Variants in NBAS observed in about 807,000 individuals in gnomAD.
NBAS encodes NBAS subunit of NRZ tethering complex.
NBAS carries 219 observed loss-of-function variants against 302.5 expected under a neutral mutation model. The ratio of observed to expected loss-of-function variants is 0.72; its 90% CI spans 0.65 to 0.81. NBAS has a LOEUF of 0.81. Ranked by LOEUF, NBAS falls within the 30% of genes least tolerant of loss-of-function variation. NBAS has a pLI of 0.00. For synonymous variants in NBAS, 1,118 were observed against 1,021.6 expected (o/e 1.09, Z -1.80); for missense variants, 2,932 against 2,841.6 (o/e 1.03, Z -0.72).
At chr2:15,323,621 A>C (rs6759135) in intron 38 of NBAS, among the ~76,000 whole-genome samples, 34,891 of 152,010 alleles carry the variant, frequency 0.23, 4,377 homozygotes, top group Middle Eastern at 0.38. Context: ...GCCTGAGCCC[A>C]GGAGTTTGAG....
the NBAS span, among the ~76,000 whole-genome samples, chr2:15,160,593 G>A: frequency 4.4e-5 from 4 of 91,580 alleles, no homozygotes; most frequent in Admixed American, 2.1e-4. Context: ...GGCGGGGGGA[G>A]GGGGGGGGGC....
In NBAS at chr2:15,451,048, A is replaced by AT. The variant is rs1558351581; in HGVS notation, c.2339+10152dup. ...GCTTCATTCATTCATTCATTCATTC[A>AT]TCCATTTATTTATTTATTTATTTGA... On this transcript the variant is annotated intron_variant, in intron 21 of 51. Transcript: ENST00000281513. 1.7e-3 allele frequency among the ~76,000 whole-genome samples: 262 copies of AT among 152,058 alleles called. 1 individual carries two copies. Among genetic ancestry groups the AT allele is most frequent in the African/African-American group, 6.0e-3 (250 of 41,478 alleles).
At chr2:15,286,095 T>TCAC (rs969448912) in intron 42 of NBAS, among the ~76,000 whole-genome samples, 15 of 152,202 alleles carry the variant, frequency 9.9e-5, no homozygotes, top group Admixed American at 9.8e-4. Context: ...CCCCTTTTAC[T>TCAC]CACCCTCATA....
chr2:14,883,605 C>G, the NBAS span, among the ~76,000 whole-genome samples: 4 of 152,100 alleles, frequency 2.6e-5, no homozygotes, highest in Non-Finnish European at 2.9e-5. Context: ...ATTCTAACAC[C>G]AGCTCCGTCA....
At chr2:15,215,556 G>C (rs577771893) in intron 48 of NBAS, among the ~76,000 whole-genome samples, 1 of 152,310 alleles carries the variant, frequency 6.6e-6, no homozygotes, top group South Asian at 2.1e-4. Context: ...GTAAGAACTT[G>C]TCTCTATCCT....
At chr2:15,542,918 A>C (rs1663920375) in intron 6 of NBAS, among the ~76,000 whole-genome samples, 1 of 152,248 alleles carries the variant, frequency 6.6e-6, no homozygotes. Flanking sequence ...TAACTCCAGA[A>C]AACTCAGCAG....
the NBAS span, among the ~76,000 whole-genome samples, chr2:14,784,406 G>C: frequency 6.6e-6 from 1 of 152,190 alleles, no homozygotes; most frequent in African/African-American, 2.4e-5. Context: ...CCTATGTCCT[G>C]AATGGTAATG....
the NBAS span, among the ~76,000 whole-genome samples, chr2:15,109,933 T>C: frequency 6.6e-6 from 1 of 152,186 alleles, no homozygotes; most frequent in South Asian, 2.1e-4. Context: ...ATTCAATGTT[T>C]ATTGTCCATT....
Position 15,334,479 on chromosome 2 carries a change from C to T in NBAS, c.4180-3714G>A, listed in dbSNP as rs553944132. 4.6e-4 allele frequency among the ~76,000 whole-genome samples: 70 copies of T among 152,276 alleles called. No homozygotes were observed. The Middle Eastern group carries it at 0.017, about 37-fold the overall frequency. On this transcript the variant is annotated intron_variant, in intron 35 of 51. Transcript: ENST00000281513. ...CTGGGATTACAGGTGTCAGCCACCA[C>T]GCCTCTCTTCTCCTTAAGCCAATTT...
At chr2:14,936,159 C>T in the NBAS span, among the ~76,000 whole-genome samples, 1 of 152,264 alleles carries the variant, frequency 6.6e-6, no homozygotes, top group East Asian at 1.9e-4. Context: ...GGGACAGTGC[C>T]ACACCATCAC....
At chr2:15,552,793 ATTTT>A (rs140817288) in intron 5 of NBAS, among the ~76,000 whole-genome samples, 9 of 129,402 alleles carry the variant, frequency 7.0e-5, no homozygotes, top group African/African-American at 8.6e-5. Context: ...AAGCATACCT[ATTTT>A]TTTTTTTTTT....
At chr2:15,508,213 C>A (rs373931903) in intron 10 of NBAS, among the ~76,000 whole-genome samples, 2 of 152,338 alleles carry the variant, frequency 1.3e-5, no homozygotes, top group South Asian at 2.1e-4. Context: ...ATTTTTCCCA[C>A]TTATTTTGTC....
the NBAS span, among the ~76,000 whole-genome samples, chr2:14,935,239 C>T: frequency 3.1e-3 from 471 of 152,232 alleles, 4 homozygotes; most frequent in African/African-American, 0.011. Flanking sequence ...TGTTTACATG[C>T]GGGACCTTAT....
the NBAS span, among the ~76,000 whole-genome samples, chr2:14,835,711 A>G: frequency 6.7e-6 from 1 of 150,080 alleles, no homozygotes; most frequent in African/African-American, 2.5e-5. Flanking sequence ...TATAGTATTC[A>G]CATTTATTTA....
chr2:14,791,932 T>A, the NBAS span, among the ~76,000 whole-genome samples: 2 of 152,148 alleles, frequency 1.3e-5, no homozygotes, highest in African/African-American at 4.8e-5. Flanking sequence ...TTGGTTTCCA[T>A]GGGCTCAAGA....
intron 11 of NBAS, among the ~76,000 whole-genome samples, chr2:15,496,255 T>C (rs1207328716): frequency 6.6e-6 from 1 of 152,110 alleles, no homozygotes. Flanking sequence ...TATAATTCTA[T>C]TCATATAGAA....
At chr2:15,417,423 C>A in intron 24 of NBAS, 104 bp downstream of exon 24, 1 of 973,832 alleles carries the variant, frequency 1.0e-6, no homozygotes. Context: ...TTACTAACTT[C>A]TCAGGTCTGT....
chr2:15,019,318 ATAAT>A, the NBAS span, among the ~76,000 whole-genome samples: 1 of 152,220 alleles, frequency 6.6e-6, no homozygotes, highest in East Asian at 1.9e-4. Context: ...CATGAGGTAA[ATAAT>A]TAAGCCAAAA....
the NBAS span, among the ~76,000 whole-genome samples, chr2:14,969,636 C>G: frequency 6.6e-6 from 1 of 152,152 alleles, no homozygotes; most frequent in South Asian, 2.1e-4. Context: ...CTCGGCCTCC[C>G]AAAGTGCTGG....
Sources: gnomAD v4.1 joint callset for allele counts (sites outside exome capture counted in the v4.1 genomes callset) on GRCh38, gnomAD v4.1.1 for gene constraint, MANE v1.5 for transcripts, NCBI Gene and HGNC (gene_info 2026-07-23, HGNC 2026-07-21) for gene names.